LRMDA: variants seen among roughly 807,000 people sequenced by gnomAD.
LRMDA encodes leucine rich melanocyte differentiation associated, also known as leucine-rich melanocyte differentiation-associated protein.
Under a neutral mutation model 29.8 loss-of-function variants are expected in LRMDA, and 18 were observed. The ratio of observed to expected loss-of-function variants is 0.60; its 90% CI spans 0.42 to 0.90. The LOEUF is 0.90. Among genes scored for constraint, LRMDA ranks in the 40% least tolerant of loss-of-function variants. The pLI is 0.00. For synonymous variants in LRMDA, 125 were observed against 109.4 expected (o/e 1.14, Z -0.89); for missense variants, 273 against 273.9 (o/e 1.00, Z 0.02).
At chr10:76,142,737 A>T (rs965201740) in intron 5 of LRMDA, among the ~76,000 whole-genome samples, 2 of 149,728 alleles carry the variant, frequency 1.3e-5, no homozygotes, top group South Asian at 4.2e-4. Context: ...CATGTGCACA[A>T]TGTGCAGGTT....
intron 2 of LRMDA, among the ~76,000 whole-genome samples, chr10:75,728,819 T>C (rs1475417955): frequency 6.6e-6 from 1 of 151,624 alleles, no homozygotes; most frequent in African/African-American, 2.4e-5. Context: ...GGGGGTTGAG[T>C]GTATACTTTT....
chr10:75,842,152 C>T (rs779096016), intron 2 of LRMDA, among the ~76,000 whole-genome samples: 9 of 152,106 alleles, frequency 5.9e-5, no homozygotes, highest in Non-Finnish European at 1.2e-4. Flanking sequence ...GCCTGCAAGG[C>T]AAAAATGGTT....
At chr10:76,079,916 A>G (rs1177774500) in intron 5 of LRMDA, among the ~76,000 whole-genome samples, 5 of 152,200 alleles carry the variant, frequency 3.3e-5, no homozygotes, top group African/African-American at 4.8e-5. Context: ...ACTTCATAGC[A>G]TAGAGCCTTC....
intron 6 of LRMDA, among the ~76,000 whole-genome samples, chr10:76,469,369 C>A (rs1842595901): frequency 6.6e-6 from 1 of 152,140 alleles, no homozygotes; most frequent in South Asian, 2.1e-4. Flanking sequence ...TCTGCCCACT[C>A]CCCCCAACTC....
At chr10:76,389,364 C>T (rs1019957151) in intron 6 of LRMDA, among the ~76,000 whole-genome samples, 3 of 152,138 alleles carry the variant, frequency 2.0e-5, no homozygotes, top group Non-Finnish European at 4.4e-5. Context: ...TGCTTGATCA[C>T]CATACTGAGA....
At chr10:75,804,321 G>T (rs1843809904) in intron 2 of LRMDA, among the ~76,000 whole-genome samples, 1 of 152,188 alleles carries the variant, frequency 6.6e-6, no homozygotes, top group Non-Finnish European at 1.5e-5. Context: ...TTGAGCGATG[G>T]AGTCGATAGC....
intron 2 of LRMDA, among the ~76,000 whole-genome samples, chr10:75,703,115 C>T (rs932204636): frequency 1.7e-4 from 26 of 152,068 alleles, no homozygotes; most frequent in African/African-American, 5.3e-4. Context: ...TTGGGTTGAC[C>T]TTTAAATAGT....
chr10:75,895,960 G>A (rs1845574134), intron 2 of LRMDA, among the ~76,000 whole-genome samples: 2 of 152,152 alleles, frequency 1.3e-5, no homozygotes, highest in Non-Finnish European at 2.9e-5. Flanking sequence ...ACTAACCTGT[G>A]ACCTAGGGCA....
chr10:75,496,274 G>A (rs1025286226), intron 2 of LRMDA, among the ~76,000 whole-genome samples: 1 of 152,184 alleles, frequency 6.6e-6, no homozygotes, highest in African/African-American at 2.4e-5. Context: ...CTTGCTAGAT[G>A]ACTTTTGGGG....
chr10:76,217,365 T>C (rs1278714621), intron 5 of LRMDA, among the ~76,000 whole-genome samples: 1 of 152,174 alleles, frequency 6.6e-6, no homozygotes, highest in Non-Finnish European at 1.5e-5. Flanking sequence ...AGACATTGTA[T>C]CTCTAGGAGC....
chr10:76,209,983 A>C (rs897515641), intron 5 of LRMDA, among the ~76,000 whole-genome samples: 5 of 152,238 alleles, frequency 3.3e-5, no homozygotes, highest in Non-Finnish European at 7.3e-5. Flanking sequence ...CAGGAGATGC[A>C]TAAAAAGTGT....
chr10:75,842,409 C>G (rs1844556605), intron 2 of LRMDA, among the ~76,000 whole-genome samples: 1 of 152,098 alleles, frequency 6.6e-6, no homozygotes, highest in Admixed American at 6.5e-5. Flanking sequence ...GCCTAGAAAG[C>G]CTGAAATATT....
At chr10:75,547,685 T>A (rs1224469943) in intron 2 of LRMDA, among the ~76,000 whole-genome samples, 1 of 152,222 alleles carries the variant, frequency 6.6e-6, no homozygotes, top group African/African-American at 2.4e-5. Context: ...TCTCCATTTG[T>A]CATAATGGTT....
intron 6 of LRMDA, among the ~76,000 whole-genome samples, chr10:76,371,378 T>G (rs1313325288): frequency 6.6e-6 from 1 of 152,170 alleles, no homozygotes; most frequent in Admixed American, 6.5e-5. Flanking sequence ...TAACACAGTA[T>G]GAGTTTAGTG....
intron 5 of LRMDA, among the ~76,000 whole-genome samples, chr10:76,226,308 C>T (rs960071135): frequency 3.3e-5 from 5 of 152,020 alleles, no homozygotes; most frequent in African/African-American, 9.7e-5. Flanking sequence ...TCAGGCCGGG[C>T]GTGGTGGCTT....
chr10:76,418,621 C>T (rs1842042930), intron 6 of LRMDA, among the ~76,000 whole-genome samples: 1 of 151,698 alleles, frequency 6.6e-6, no homozygotes, highest in Non-Finnish European at 1.5e-5. Context: ...CATTTCTTAT[C>T]TTATAGAATT....
chr10:75,856,709 A>C (rs927252087), intron 2 of LRMDA, among the ~76,000 whole-genome samples: 1 of 152,222 alleles, frequency 6.6e-6, no homozygotes, highest in African/African-American at 2.4e-5. Flanking sequence ...TCTATGACAA[A>C]CCCACAGCCA....
At chr10:76,336,712 G>C (rs1840973509) in intron 6 of LRMDA, among the ~76,000 whole-genome samples, 2 of 152,264 alleles carry the variant, frequency 1.3e-5, no homozygotes, top group South Asian at 4.1e-4. Flanking sequence ...GTGTTGTTAG[G>C]ACAGACATCT....
intron 2 of LRMDA, among the ~76,000 whole-genome samples, chr10:75,657,071 G>C (rs1589148449): frequency 1.3e-5 from 2 of 152,292 alleles, no homozygotes; most frequent in South Asian, 2.1e-4. Flanking sequence ...TGGCACCAGG[G>C]AAATCCTGGC....
Sources: allele counts gnomAD v4.1 joint callset (sites outside exome capture counted in the v4.1 genomes callset), GRCh38; gene constraint gnomAD v4.1.1; transcripts MANE v1.5; gene names NCBI Gene and HGNC (gene_info 2026-07-23, HGNC 2026-07-21).